UGGT2: variants seen among roughly 807,000 people sequenced by gnomAD.
UGGT2 encodes the protein UDP-glucose:glycoprotein glucosyltransferase 2.
Under a neutral mutation model 192.1 loss-of-function variants are expected in UGGT2, and 180 were observed. The ratio of observed to expected loss-of-function variants is 0.94; its 90% confidence interval spans 0.83 to 1.06. The LOEUF is 1.06. UGGT2 is among the 50% of genes least tolerant of loss of function. UGGT2 has a pLI of 0.00. For synonymous variants in UGGT2, 580 were observed against 591.0 expected, an observed-to-expected ratio of 0.98 and a Z score of 0.27; for missense variants, 1,849 against 1,795.7, an observed-to-expected ratio of 1.03 and a Z score of -0.54.
At chr13:96,013,104 T>A (rs1372858154) in intron 5 of UGGT2, among the ~76,000 whole-genome samples, 3 of 152,078 alleles carry the variant, frequency 2.0e-5, no homozygotes, top group Non-Finnish European at 2.9e-5. Flanking sequence ...GTGCCAGATA[T>A]AAGGCAAAGA....
intron 20 of UGGT2, among the ~76,000 whole-genome samples, chr13:95,924,754 C>T (rs575527135): frequency 6.6e-6 from 1 of 152,122 alleles, no homozygotes; most frequent in South Asian, 2.1e-4. Flanking sequence ...TAAGTAACAC[C>T]AAAAACAGGT....
At chr13:95,950,041 C>T (rs182024684) in intron 12 of UGGT2, among the ~76,000 whole-genome samples, 39 of 152,176 alleles carry the variant, frequency 2.6e-4, no homozygotes, top group African/African-American at 7.2e-4. Context: ...TAAACTTCAT[C>T]CCTGGGTCCC....
chr13:95,871,546 A>G (rs1891222207), intron 29 of UGGT2, among the ~76,000 whole-genome samples: 1 of 152,202 alleles, frequency 6.6e-6, no homozygotes, highest in African/African-American at 2.4e-5. Flanking sequence ...CAGAGGACTC[A>G]TGTCTGGGAA....
At position 96,053,330 on chromosome 13, in the gene UGGT2, G is replaced by A; in HGVS notation, c.-18C>T. On this transcript the variant is annotated 5_prime_UTR_variant, in exon 1 of 39. Transcript: ENST00000376747. Reference sequence around the variant, plus strand: ...GGCGCCATGGCACGGAGAGAAAAGCGCGAGTCCCTCGGACCCGGTACCCAC... The same window carrying A: ...GGCGCCATGGCACGGAGAGAAAAGCACGAGTCCCTCGGACCCGGTACCCAC... 1 of 1,579,442 alleles carries A rather than the reference G, an allele frequency of 6.3e-7. No individual in the cohort carries two copies. Among genetic ancestry groups the A allele is most frequent in the Middle Eastern group, 1.7e-4 (1 of 5,888 alleles).
rs957840642 is a variant in UGGT2 at position 95,992,383 on chromosome 13, G to A, written c.831-2310C>T. ...TGATTTCTTTCAGCAGTGTTTTGTA[G>A]TTCTTGTGGAGATGGTTCACCTCCT... On this transcript the variant is annotated intron_variant, in intron 7 of 38. Coordinates refer to ENST00000376747, the MANE Select transcript of UGGT2 (RefSeq NM_020121.4). Among the ~76,000 whole-genome samples the A allele has an allele frequency of 3.3e-5, 5 of 152,260 alleles. No individual in the cohort carries two copies. The East Asian group carries it at 9.6e-4, about 29-fold the overall frequency.
intron 1 of UGGT2, among the ~76,000 whole-genome samples, chr13:96,046,335 C>T (rs1054008073): frequency 1.3e-5 from 2 of 152,162 alleles, no homozygotes; most frequent in African/African-American, 4.8e-5. Context: ...AAAATCAATT[C>T]AAGATGGATC....
intron 5 of UGGT2, among the ~76,000 whole-genome samples, chr13:96,003,946 GAAGA>G (rs1399673892): frequency 1.3e-5 from 2 of 152,098 alleles, no homozygotes; most frequent in African/African-American, 4.8e-5. Context: ...AAGAAAGAAG[GAAGA>G]GATGACAGAT....
chr13:95,819,584 C>G (rs1385210012), intron 38 of UGGT2, among the ~76,000 whole-genome samples: 2 of 152,062 alleles, frequency 1.3e-5, no homozygotes, highest in African/African-American at 2.4e-5. Context: ...TGCATCTTCT[C>G]TTTAAGAACT....
intron 4 of UGGT2, among the ~76,000 whole-genome samples, chr13:96,014,223 A>C (rs1013338830): frequency 6.6e-6 from 1 of 152,232 alleles, no homozygotes; most frequent in South Asian, 2.1e-4. Flanking sequence ...AAGGAAGTTC[A>C]GAGTAACAAG....
intron 17 of UGGT2, among the ~76,000 whole-genome samples, chr13:95,928,378 G>A (rs1183853088): frequency 2.0e-5 from 2 of 100,658 alleles, no homozygotes; most frequent in African/African-American, 5.4e-5. Flanking sequence ...GCCGGGCGGA[G>A]ACGCTCCTCA....
At chr13:96,029,304 T>G (rs1274755812) in intron 2 of UGGT2, among the ~76,000 whole-genome samples, 1 of 152,192 alleles carries the variant, frequency 6.6e-6, no homozygotes, top group Non-Finnish European at 1.5e-5. Context: ...TTTATTTTTT[T>G]GAGTCAGAGT....
chr13:95,884,360 G>A (rs1398471750), intron 27 of UGGT2, 131 bp downstream of exon 27: 1 of 733,898 alleles, frequency 1.4e-6, no homozygotes, highest in Non-Finnish European at 1.9e-6. Context: ...GATTGGATCA[G>A]GACCTAGAAT....
chr13:95,927,971 C>G (rs1290278061), intron 17 of UGGT2, among the ~76,000 whole-genome samples: 2 of 152,094 alleles, frequency 1.3e-5, no homozygotes, highest in Non-Finnish European at 2.9e-5. Context: ...TCAGAGAGCA[C>G]GGGGTTGGGG....
chr13:95,909,786 G>T (rs1349302193), intron 20 of UGGT2, among the ~76,000 whole-genome samples: 1 of 51,434 alleles, frequency 1.9e-5, no homozygotes, highest in Non-Finnish European at 4.1e-5. Flanking sequence ...TAATAAAAAA[G>T]ATTCCTGCCC....
At chr13:95,976,254 TC>T (rs1223048739) in intron 10 of UGGT2, among the ~76,000 whole-genome samples, 1 of 152,196 alleles carries the variant, frequency 6.6e-6, no homozygotes, top group African/African-American at 2.4e-5. Context: ...TGACAGGATT[TC>T]TTTTTTATGA....
At chr13:96,051,090 C>T (rs1224794740) in intron 1 of UGGT2, among the ~76,000 whole-genome samples, 9 of 152,130 alleles carry the variant, frequency 5.9e-5, no homozygotes, top group African/African-American at 2.2e-4. Flanking sequence ...CCCAAATGTC[C>T]GTCAATGATA....
At chr13:96,001,503 G>A (rs2139018962) in intron 5 of UGGT2, among the ~76,000 whole-genome samples, 1 of 152,186 alleles carries the variant, frequency 6.6e-6, no homozygotes, top group East Asian at 1.9e-4. Context: ...CAGCCTTGTT[G>A]CTCACACAAA....
chr13:95,919,120 A>T (rs1463167202), intron 20 of UGGT2, among the ~76,000 whole-genome samples: 1 of 152,212 alleles, frequency 6.6e-6, no homozygotes, highest in Non-Finnish European at 1.5e-5. Context: ...GGACAAAACC[A>T]CATGATTATC....
At chr13:95,884,065 C>CAAAAAAAAAAAAAAAAA (rs35937679) in intron 27 of UGGT2, among the ~76,000 whole-genome samples, 1 of 73,954 alleles carries the variant, frequency 1.4e-5, no homozygotes, top group Non-Finnish European at 2.6e-5. Flanking sequence ...GCTGTGAGGC[C>CAAAAAAAAAAAAAAAAA]AAAAAAAAAA....
Sources: gnomAD v4.1 joint callset for allele counts (sites outside exome capture counted in the v4.1 genomes callset) on GRCh38, gnomAD v4.1.1 for gene constraint, MANE v1.5 for transcripts, NCBI Gene and HGNC (gene_info 2026-07-23, HGNC 2026-07-21) for gene names.